The following OXSR1 variants were observed in gnomAD, a reference collection of about 807,000 sequenced individuals.
OXSR1 encodes serine/threonine-protein kinase OSR1.
OXSR1 carries 24 observed loss-of-function variants against 79.8 expected under a neutral mutation model. That is an observed-to-expected ratio of 0.30 (90% CI 0.22 to 0.42). The LOEUF is 0.42. OXSR1 is among the 10% of genes least tolerant of loss of function. The pLI, the probability that OXSR1 is intolerant of heterozygous loss-of-function variation, is 1.00. For missense variants in OXSR1, 430 were observed against 618.4 expected (o/e 0.70, Z 3.23); for synonymous variants, 226 against 209.2 (o/e 1.08, Z -0.69).
At chr3:38,210,666 T>C (rs932670013) in intron 4 of OXSR1, among the ~76,000 whole-genome samples, 1 of 152,142 alleles carries the variant, frequency 6.6e-6, no homozygotes, top group African/African-American at 2.4e-5. Context: ...CAGTACTGAC[T>C]CCAGCAATAG....
At chr3:38,242,288 A>C (rs1425326444) in intron 11 of OXSR1, among the ~76,000 whole-genome samples, 1 of 152,184 alleles carries the variant, frequency 6.6e-6, no homozygotes. Flanking sequence ...CTTTACATGC[A>C]GCTTTCAGAT....
intron 10 of OXSR1, among the ~76,000 whole-genome samples, chr3:38,232,251 A>G (rs1702824475): frequency 6.6e-6 from 1 of 151,544 alleles, no homozygotes; most frequent in Non-Finnish European, 1.5e-5. Context: ...GAGACCCCAT[A>G]TCTATAAAAA....
At chr3:38,165,301 A>G (rs1336787234), upstream of OXSR1, 1 of 152,718 alleles carries the variant, frequency 6.5e-6, no homozygotes, top group Non-Finnish European at 1.5e-5. Flanking sequence ...TAGTGTGGCT[A>G]CTGCCTCTGT....
In OXSR1 at chr3:38,179,808, CTT is replaced by C. The variant is rs34935629; in HGVS notation, c.71-3182_71-3181del. 4.5e-3 allele frequency among the ~76,000 whole-genome samples: 655 copies of C among 144,758 alleles called. 2 individuals are homozygous for C. Among genetic ancestry groups the C allele is most frequent in the African/African-American group, 0.016 (610 of 39,180 alleles). The allele number at this position is 144,758 out of a possible 152,430, so 95.0% of individuals were successfully genotyped here. A position where few individuals can be genotyped will look rare whatever the true frequency, so the allele number is the denominator to read the frequency against. ...CCATCTGCATTTGATTGGAAATAAT[CTT>C]TTTTTTTTTTTTCCCCAAAATAGAA... On this transcript the variant is annotated intron_variant, in intron 1 of 17. Transcript: ENST00000311806.
Position 38,208,959 on chromosome 3 carries a change from A to AGTGTGT in OXSR1, c.435-7115_435-7110dup, listed in dbSNP as rs144109114. Among the ~76,000 whole-genome samples the AGTGTGT allele has an allele frequency of 7.9e-3, 1,164 of 146,964 alleles. 6 individuals carry two copies. The highest frequency in any genetic ancestry group is 0.013 in the East Asian group (63 of 5,014). On this transcript the variant is annotated intron_variant, in intron 4 of 17. Transcript: ENST00000311806. ...TATTCTAAGAGTAACCCAGTTAAGG[A>AGTGTGT]GTGTGTGTGTGTGTGTGTGTGTGTG...
chr3:38,251,335 T>G, intron 15 of OXSR1, 68 bp from the exon 16 acceptor site: 160 of 1,277,098 alleles, frequency 1.3e-4, no homozygotes, highest in Non-Finnish European at 1.7e-4. Flanking sequence ...GACACCCACA[T>G]GAGCTGTGAG....
chr3:38,171,660 A>C (rs1701584200), intron 1 of OXSR1, among the ~76,000 whole-genome samples: 1 of 151,988 alleles, frequency 6.6e-6, no homozygotes. Context: ...TTGAAAATTC[A>C]AAGGACTTTT....
chr3:38,251,558 G>T, intron 16 of OXSR1, 87 bp downstream of exon 16: 2 of 985,302 alleles, frequency 2.0e-6, no homozygotes, highest in Non-Finnish European at 3.3e-6. Context: ...ATTCCACTGA[G>T]TAGGTCTGAT....
intron 1 of OXSR1, among the ~76,000 whole-genome samples, chr3:38,173,352 G>A (rs1256151758): frequency 6.6e-6 from 1 of 152,130 alleles, no homozygotes; most frequent in Non-Finnish European, 1.5e-5. Context: ...ATAAATGTTA[G>A]CTTTAATCTG....
At chr3:38,241,262 C>T (rs1301017579) in intron 11 of OXSR1, among the ~76,000 whole-genome samples, 1 of 151,958 alleles carries the variant, frequency 6.6e-6, no homozygotes, top group Non-Finnish European at 1.5e-5. Flanking sequence ...AATAAGGAAA[C>T]ATTAGATAAA....
At chr3:38,209,080 A>C in intron 4 of OXSR1, among the ~76,000 whole-genome samples, 1 of 151,298 alleles carries the variant, frequency 6.6e-6, no homozygotes, top group Non-Finnish European at 1.5e-5. Flanking sequence ...TCAGCTTTAC[A>C]ATTTGTAGTA....
intron 4 of OXSR1, among the ~76,000 whole-genome samples, chr3:38,207,900 TC>T (rs1227332878): frequency 1.7e-5 from 1 of 60,570 alleles, no homozygotes; most frequent in African/African-American, 7.0e-5. Context: ...CCTTCCTCCC[TC>T]CCCCCTCCCC....
intron 2 of OXSR1, among the ~76,000 whole-genome samples, chr3:38,187,158 T>A (rs1025725526): frequency 6.6e-6 from 1 of 152,204 alleles, no homozygotes; most frequent in Non-Finnish European, 1.5e-5. Flanking sequence ...ATACATTCTA[T>A]CATTACCTGG....
chr3:38,202,230 A>G (rs1432826970), intron 4 of OXSR1, among the ~76,000 whole-genome samples: 1 of 152,208 alleles, frequency 6.6e-6, no homozygotes, highest in Non-Finnish European at 1.5e-5. Flanking sequence ...GTCTTTAGAG[A>G]TGGCATCAGT....
intron 1 of OXSR1, among the ~76,000 whole-genome samples, chr3:38,168,522 T>A (rs892854470): frequency 3.9e-5 from 6 of 152,234 alleles, no homozygotes; most frequent in Non-Finnish European, 8.8e-5. Context: ...TTTTGAGATA[T>A]AATTTACGTA....
chr3:38,177,089 A>G (rs570613441), intron 1 of OXSR1, among the ~76,000 whole-genome samples: 1 of 152,382 alleles, frequency 6.6e-6, no homozygotes, highest in South Asian at 2.1e-4. Context: ...CAGTGAACAC[A>G]TCTGCATATT....
At position 38,246,096 on chromosome 3, in the gene OXSR1, G is replaced by A. The variant is rs1175022268; in HGVS notation, c.1132G>A (p.Val378Met). 3.1e-6 allele frequency: 5 copies of A among 1,613,708 alleles called. No homozygotes were observed. Among genetic ancestry groups the A allele is most frequent in the East Asian group, 2.2e-5 (1 of 44,882 alleles). Residue 378 changes from valine (V) to methionine (M), a missense_variant, in exon 13 of 18, where the codon GTG becomes ATG. Val to Met is a conservative substitution (Grantham distance 21). Around this residue, in one of 3 missense-constraint regions of OXSR1, gnomAD observed 276 missense variants for 354.2 expected, o/e 0.78. Coordinates refer to ENST00000311806, the MANE Select transcript of OXSR1 (RefSeq NM_005109.3). ...ACAGCTCTTTCCAACAACTGATCCT[G>A]TGGGTACTTTGCTCCAAGTTCCAGA... ...NSELFPTTDP[V>M]GTLLQVPEQI...
At chr3:38,201,927 T>C (rs1287253505) in intron 4 of OXSR1, among the ~76,000 whole-genome samples, 1 of 152,210 alleles carries the variant, frequency 6.6e-6, no homozygotes, top group South Asian at 2.1e-4. Context: ...GATGTGCAGT[T>C]TGGGACTTGG....
At chr3:38,247,822 G>C in intron 14 of OXSR1, 90 bp downstream of exon 14, 1 of 742,544 alleles carries the variant, frequency 1.3e-6, no homozygotes, top group African/African-American at 1.7e-5. Context: ...AACTGGATAG[G>C]ATTGTATGTC....
Sources: gnomAD v4.1 joint callset for allele counts (sites outside exome capture counted in the v4.1 genomes callset) on GRCh38, gnomAD v4.1.1 for gene constraint, gnomAD v4.1.1 regional missense constraint, MANE v1.5 for transcripts, NCBI Gene and HGNC (gene_info 2026-07-23, HGNC 2026-07-21) for gene names.